Variants in DCK observed in about 807,000 individuals in gnomAD.
DCK encodes deoxyadenosine kinase.
In DCK, 23 loss-of-function variants were observed where a neutral mutation model predicts 38.3. That is an observed-to-expected ratio of 0.60 (90% CI 0.43 to 0.85). The LOEUF (loss-of-function observed/expected upper bound fraction) is 0.85, where lower values mean the gene tolerates loss of function less well. Ranked by LOEUF, DCK falls within the 40% of genes least tolerant of loss-of-function variation. The pLI is 0.00. For missense variants in DCK, 259 were observed against 304.4 expected, an observed-to-expected ratio of 0.85 and a Z score of 1.11; for synonymous variants, 108 against 100.6, an observed-to-expected ratio of 1.07 and a Z score of -0.44.
rs72552089 is a variant in DCK at position 70,993,784 on chromosome 4, G to A, written c.-52G>A. The A allele has an allele frequency of 2.2e-3, 3,005 of 1,358,870 alleles. 47 individuals carry two copies. The African/African-American group carries it at 0.038, about 17-fold the overall frequency. The allele number at this position is 1,358,870 out of a possible 1,614,324, so 84.2% of individuals were successfully genotyped here. A position where few individuals can be genotyped will look rare whatever the true frequency, so the allele number is the denominator to read the frequency against. On this transcript the variant is annotated 5_prime_UTR_variant, in exon 1 of 7. Transcript: ENST00000286648. ...AGCTCCAGTGCGCGCACCCGTGGCC[G>A]CCTCCCAGCCCTCTTTGCCGGACGA...
intron 2 of DCK, among the ~76,000 whole-genome samples, chr4:71,007,783 A>G (rs1216836697): frequency 2.0e-5 from 3 of 152,232 alleles, no homozygotes; most frequent in Admixed American, 6.5e-5. Context: ...TGGCGCAGCC[A>G]TGGTTCACTG....
intron 2 of DCK, among the ~76,000 whole-genome samples, chr4:71,014,278 A>G (rs559892940): frequency 1.3e-3 from 203 of 152,356 alleles, no homozygotes; most frequent in African/African-American, 4.8e-3. Flanking sequence ...GCAAGTCCTT[A>G]GAGACCTACA....
chr4:71,009,591 CTAT>C (rs1260930447), intron 2 of DCK, among the ~76,000 whole-genome samples: 1 of 151,928 alleles, frequency 6.6e-6, no homozygotes, highest in Non-Finnish European at 1.5e-5. Context: ...GCAGGTGATC[CTAT>C]TATTATTAAC....
chr4:71,004,133 G>C (rs187238317), intron 2 of DCK, among the ~76,000 whole-genome samples: 1 of 152,318 alleles, frequency 6.6e-6, no homozygotes, highest in Non-Finnish European at 1.5e-5. Context: ...AACTTCAGAT[G>C]GGGTTTTTGC....
At chr4:71,016,621 A>C (rs1740269391) in intron 2 of DCK, among the ~76,000 whole-genome samples, 1 of 152,220 alleles carries the variant, frequency 6.6e-6, no homozygotes, top group African/African-American at 2.4e-5. Flanking sequence ...GCCCTCAGAA[A>C]TAATACCACA....
At chr4:70,994,720 C>T (rs1739621858) in intron 1 of DCK, among the ~76,000 whole-genome samples, 2 of 152,240 alleles carry the variant, frequency 1.3e-5, no homozygotes, top group East Asian at 3.9e-4. Context: ...CATTCGAGTA[C>T]AAGCAAAGAG....
intron 2 of DCK, among the ~76,000 whole-genome samples, chr4:71,005,224 C>A (rs900631204): frequency 4.5e-4 from 69 of 151,934 alleles, no homozygotes; most frequent in African/African-American, 1.5e-3. Flanking sequence ...GGAGGGAGTT[C>A]CCCCACCCCT....
chr4:71,015,806 A>G, intron 2 of DCK, among the ~76,000 whole-genome samples: 1 of 152,232 alleles, frequency 6.6e-6, no homozygotes, highest in East Asian at 1.9e-4. Flanking sequence ...GCTATTTATG[A>G]CAAACCCACA....
At chr4:70,999,557 A>T (rs886606242) in intron 2 of DCK, among the ~76,000 whole-genome samples, 21 of 152,214 alleles carry the variant, frequency 1.4e-4, no homozygotes, top group African/African-American at 5.1e-4. Flanking sequence ...TGGCTGGGTC[A>T]AATGGTATTT....
At chr4:71,027,225 A>G (rs1262037988) in intron 6 of DCK, among the ~76,000 whole-genome samples, 1 of 152,134 alleles carries the variant, frequency 6.6e-6, no homozygotes, top group African/African-American at 2.4e-5. Flanking sequence ...ATTTAAAGTT[A>G]CAGGATATGG....
intron 4 of DCK, among the ~76,000 whole-genome samples, chr4:71,025,233 T>C (rs1414357168): frequency 6.6e-6 from 1 of 152,112 alleles, no homozygotes; most frequent in African/African-American, 2.4e-5. Flanking sequence ...TAAAATTAAA[T>C]AAAATTTAGA....
intron 1 of DCK, among the ~76,000 whole-genome samples, chr4:70,997,277 G>A (rs1195345015): frequency 6.6e-6 from 1 of 151,968 alleles, no homozygotes; most frequent in Non-Finnish European, 1.5e-5. Flanking sequence ...CTTTCTATAT[G>A]CTTTCACTTC....
In DCK at chr4:71,030,684, T is replaced by C. The variant is rs1336831261; in HGVS notation, c.*1306T>C. On this transcript the variant is annotated 3_prime_UTR_variant, in exon 7 of 7. Coordinates refer to ENST00000286648, the MANE Select transcript of DCK (RefSeq NM_000788.3). ...TGGAGCTACACTCATTGAAATGTAA[T>C]TTCAGTTCTAAAAAGATGTAATAAT... 2.0e-5 allele frequency: 3 copies of C among 152,138 alleles called. No individual in the cohort carries two copies. Among genetic ancestry groups the C allele is most frequent in the Non-Finnish European group, 4.4e-5 (3 of 67,982 alleles). 9.4% of individuals were successfully genotyped at this position (152,138 alleles called of 1,614,324 possible).
rs1196177921 is a variant in DCK at position 70,998,091 on chromosome 4, A to G, written c.116A>G (p.Asn39Ser). The change falls in exon 2 of 7, where the codon AAT becomes AGT. Residue 39 changes from asparagine to serine, a missense_variant. By Grantham distance (46) the Asn-to-Ser change is conservative. Transcript: ENST00000286648. ...GCTGCAGGGAAGTCAACATTTGTGA[A>G]TATCCTTAAACAATTGTGTGAAGAT... is the stretch of plus-strand genomic sequence containing the variant. The part of the protein sequence containing the change: ...NIAAGKSTFV[N>S]ILKQLCEDWE... 9 of 1,599,936 alleles carry G rather than the reference A, an allele frequency of 5.6e-6. No homozygotes were observed. The highest frequency in any genetic ancestry group is 7.7e-6 in the Non-Finnish European group (9 of 1,171,268).
intron 3 of DCK, among the ~76,000 whole-genome samples, chr4:71,022,777 G>C (rs1349328176): frequency 6.6e-6 from 1 of 152,114 alleles, no homozygotes; most frequent in Non-Finnish European, 1.5e-5. Context: ...AAACTGTTGG[G>C]AATATGGTGG....
chr4:71,013,846 A>G (rs1027719659), intron 2 of DCK, among the ~76,000 whole-genome samples: 9 of 152,250 alleles, frequency 5.9e-5, no homozygotes, highest in Admixed American at 3.3e-4. Context: ...AGGAAACTGC[A>G]TCAACTAATG....
rs530206905 is a variant in DCK at position 71,012,325 on chromosome 4, A to C, written c.208-10042A>C. Among the ~76,000 whole-genome samples, 4 of 152,272 alleles carry C rather than the reference A, an allele frequency of 2.6e-5. No individual in the cohort carries two copies. The South Asian group carries it at 6.2e-4, about 24-fold the overall frequency. On this transcript the variant is annotated intron_variant, in intron 2 of 6. Transcript: ENST00000286648. ...CAAGGAGGCCTGCCTGCCTCTGTAG[A>C]CTCCACCTCTGGGGGCAGGGCATAG...
At chr4:71,025,759 CA>C in intron 4 of DCK, 56 bp from the exon 5 acceptor site, 1 of 1,510,074 alleles carries the variant, frequency 6.6e-7, no homozygotes, top group Non-Finnish European at 8.8e-7. Flanking sequence ...TTGATGGCAG[CA>C]GACAAGAATA....
At chr4:71,017,005 A>AATGGGAG (rs1424715951) in intron 2 of DCK, among the ~76,000 whole-genome samples, 2 of 152,236 alleles carry the variant, frequency 1.3e-5, no homozygotes, top group Non-Finnish European at 2.9e-5. Flanking sequence ...CAACCTACAG[A>AATGGGAG]ATGGGAGAAA....
Sources: gnomAD v4.1 joint callset for allele counts (sites outside exome capture counted in the v4.1 genomes callset) on GRCh38, gnomAD v4.1.1 for gene constraint, MANE v1.5 for transcripts, NCBI Gene and HGNC (gene_info 2026-07-23, HGNC 2026-07-21) for gene names.